The following ATP5MF variants were observed in gnomAD, a reference collection of about 807,000 sequenced individuals.
ATP5MF encodes the protein ATP synthase F(0) complex subunit f, mitochondrial.
Under a neutral mutation model 13.8 loss-of-function variants are expected in ATP5MF, and 10 were observed. The ratio of observed to expected loss-of-function variants is 0.72; its 90% confidence interval spans 0.45 to 1.23. ATP5MF has a LOEUF of 1.23. ATP5MF is among the 50% of genes most tolerant of loss of function. The probability of loss-of-function intolerance (pLI) is 0.00; values close to 1 mark genes in which losing one functional copy is unlikely to be tolerated. For missense variants in ATP5MF, 122 were observed against 118.2 expected, an observed-to-expected ratio of 1.03 and a Z score of -0.15; for synonymous variants, 40 against 45.8, an observed-to-expected ratio of 0.87 and a Z score of 0.51.
rs1389297265 is a variant in ATP5MF at position 99,461,758 on chromosome 7, A to G, written c.32-1565T>C. 2.6e-5 allele frequency among the ~76,000 whole-genome samples: 4 copies of G among 151,678 alleles called. No homozygotes were observed. In the East Asian group the frequency reaches 7.9e-4, roughly 30 times the overall value. On this transcript the variant is annotated intron_variant, in intron 1 of 3. Transcript: ENST00000292475. ...ACTGCAACCTCCACCTCCTGGTTCT[A>G]GCGATTCTCCTGCCTCAGCCTCCTG...
At chr7:99,460,410 A>C (rs1483755419) in intron 1 of ATP5MF, 1 of 709,820 alleles carries the variant, frequency 1.4e-6, no homozygotes, top group African/African-American at 1.7e-5. Context: ...GGACAGCTTT[A>C]TTAACCAACA....
intron 3 of ATP5MF, among the ~76,000 whole-genome samples, chr7:99,458,584 A>C (rs756690358): frequency 6.6e-6 from 1 of 152,176 alleles, no homozygotes; most frequent in Admixed American, 6.5e-5. Context: ...GAAGGAACAG[A>C]GGGAACACAC....
At chr7:99,465,780 T>A (rs1271837809) in intron 1 of ATP5MF, among the ~76,000 whole-genome samples, 2 of 152,142 alleles carry the variant, frequency 1.3e-5, no homozygotes, top group Admixed American at 1.3e-4. Context: ...CGCCTAACAT[T>A]CAAGTGCAAA....
chr7:99,460,372 A>C, intron 1 of ATP5MF, 179 bp from the exon 2 acceptor site: 1 of 757,172 alleles, frequency 1.3e-6, no homozygotes, highest in Non-Finnish European at 2.2e-6. Context: ...TTTAAGACTG[A>C]GTCTATACAA....
intron 1 of ATP5MF, among the ~76,000 whole-genome samples, chr7:99,462,317 A>AT: frequency 6.7e-6 from 1 of 149,618 alleles, no homozygotes; most frequent in South Asian, 2.1e-4. Flanking sequence ...AAAAAAAAAA[A>AT]ATTAGCCAGG....
rs374061255 is a variant in ATP5MF, at chr7:99,466,134, G to A, written c.8C>T (p.Ser3Leu). 6.2e-6 allele frequency: 10 copies of A among 1,614,198 alleles called. No homozygotes were observed. The highest frequency in any genetic ancestry group is 1.7e-5 in the Admixed American group (1 of 60,024). Residue 3 changes from serine to leucine, a missense_variant, in exon 1 of 4, where the codon TCA (serine) becomes TTA (leucine). Physicochemically the swap from Ser to Leu is moderately radical, Grantham distance 145. Coordinates refer to ENST00000292475, the MANE Select transcript of ATP5MF (RefSeq NM_004889.5). ...ACCTGGGGCCGGACACTCACCAACT[G>A]ACGCCATTTTGGAGTCCTGGTGTCC... The part of the protein sequence containing the change: MA[S>L]VGECPAPVPV...
intron 1 of ATP5MF, among the ~76,000 whole-genome samples, chr7:99,463,747 G>A (rs1798719134): frequency 6.6e-6 from 1 of 152,072 alleles, no homozygotes; most frequent in African/African-American, 2.4e-5. Context: ...TTGCACTGCA[G>A]CCTGGGCGAC....
At chr7:99,458,523 C>A (rs553782628) in intron 3 of ATP5MF, among the ~76,000 whole-genome samples, 168 bp from the exon 4 acceptor site, 2 of 152,252 alleles carry the variant, frequency 1.3e-5, no homozygotes, top group East Asian at 3.9e-4. Context: ...CCGGGGGGCA[C>A]AAAGACACCT....
At chr7:99,459,540 G>C (rs1387353285) in intron 2 of ATP5MF, 1 of 389,718 alleles carries the variant, frequency 2.6e-6, no homozygotes, top group Non-Finnish European at 4.8e-6. Context: ...CTCCTGAGTA[G>C]CTGGGACTAC....
At chr7:99,459,107 C>G (rs1798477280) in intron 3 of ATP5MF, 40 bp downstream of exon 3, 2 of 1,499,686 alleles carry the variant, frequency 1.3e-6, no homozygotes, top group South Asian at 2.3e-5. Context: ...CCACCACCCT[C>G]TCATGGGAAC....
intron 1 of ATP5MF, among the ~76,000 whole-genome samples, chr7:99,462,147 T>C (rs1010543661): frequency 6.6e-6 from 1 of 151,692 alleles, no homozygotes; most frequent in Non-Finnish European, 1.5e-5. Flanking sequence ...GACAAGGGTG[T>C]TTCCTTAAAA....
intron 1 of ATP5MF, among the ~76,000 whole-genome samples, chr7:99,462,868 C>T (rs867529931): frequency 6.6e-6 from 1 of 152,220 alleles, no homozygotes; most frequent in East Asian, 1.9e-4. Context: ...CTACACACAC[C>T]CGCTCCTCTG....
At chr7:99,465,247 G>A (rs371114961) in intron 1 of ATP5MF, among the ~76,000 whole-genome samples, 2 of 151,666 alleles carry the variant, frequency 1.3e-5, no homozygotes, top group South Asian at 4.1e-4. Flanking sequence ...CGACAAGAGC[G>A]AAACGCCATC....
chr7:99,465,090 T>C (rs1262290838), intron 1 of ATP5MF, among the ~76,000 whole-genome samples: 1 of 151,748 alleles, frequency 6.6e-6, no homozygotes, highest in African/African-American at 2.4e-5. Flanking sequence ...TGAAAGCCCG[T>C]CTCTACTAAA....
At chr7:99,464,797 T>G (rs969304997) in intron 1 of ATP5MF, among the ~76,000 whole-genome samples, 1 of 151,220 alleles carries the variant, frequency 6.6e-6, no homozygotes, top group Non-Finnish European at 1.5e-5. Flanking sequence ...CCATCTCTAC[T>G]AAAAATACAA....
chr7:99,459,026 A>G, intron 3 of ATP5MF, 121 bp downstream of exon 3: 1 of 694,568 alleles, frequency 1.4e-6, no homozygotes, highest in Non-Finnish European at 2.5e-6. Flanking sequence ...AGGTGGAAAC[A>G]TAAGGAACTT....
intron 1 of ATP5MF, among the ~76,000 whole-genome samples, chr7:99,462,465 GT>G (rs1329876220): frequency 6.9e-6 from 1 of 144,218 alleles, no homozygotes; most frequent in Non-Finnish European, 1.5e-5. Context: ...AAGAATCCGT[GT>G]CAAAAACAAA....
chr7:99,460,382 A>G (rs1189525429), intron 1 of ATP5MF, 189 bp from the exon 2 acceptor site: 6 of 739,130 alleles, frequency 8.1e-6, no homozygotes, highest in Non-Finnish European at 1.4e-5. Context: ...AGTCTATACA[A>G]TAGCAGAACT....
intron 1 of ATP5MF, among the ~76,000 whole-genome samples, chr7:99,465,207 C>T (rs571661168): frequency 1.3e-5 from 2 of 150,378 alleles, no homozygotes; most frequent in South Asian, 2.1e-4. Flanking sequence ...TACAGTGAGC[C>T]GAGATCACAC....
Sources: allele counts gnomAD v4.1 joint callset (sites outside exome capture counted in the v4.1 genomes callset), GRCh38; gene constraint gnomAD v4.1.1; transcripts MANE v1.5; gene names NCBI Gene and HGNC (gene_info 2026-07-23, HGNC 2026-07-21).